RAP1GAP: variants seen among roughly 807,000 people sequenced by gnomAD.
RAP1GAP encodes the protein RAP1 GTPase activating protein, also known as rap1 GTPase-activating protein 1.
In RAP1GAP, 35 loss-of-function variants were observed where a neutral mutation model predicts 87.2. The ratio of observed to expected loss-of-function variants is 0.40; its 90% CI spans 0.31 to 0.53. The LOEUF (loss-of-function observed/expected upper bound fraction) is 0.53. Among genes scored for constraint, RAP1GAP ranks in the 20% least tolerant of loss-of-function variants. RAP1GAP has a pLI of 0.48. For synonymous variants in RAP1GAP, 375 were observed against 363.9 expected (o/e 1.03, Z -0.35); for missense variants, 734 against 898.9 (o/e 0.82, Z 2.35).
intron 2 of RAP1GAP, among the ~76,000 whole-genome samples, chr1:21,628,011 G>A (rs190060537): frequency 1.5e-4 from 23 of 152,274 alleles, no homozygotes; most frequent in African/African-American, 3.1e-4. Flanking sequence ...AACATTCATC[G>A]CAGAGCCTGG....
At position 21,634,197 on chromosome 1, in the gene RAP1GAP, C is replaced by T. The variant is rs1326958856; in HGVS notation, c.-112-7800G>A. Among the ~76,000 whole-genome samples, 1 of 152,080 alleles carries T rather than the reference C, an allele frequency of 6.6e-6. No homozygotes were observed. Among genetic ancestry groups the T allele is most frequent in the Non-Finnish European group, 1.5e-5 (1 of 67,986 alleles). ...CAGCCAGTTGAGCAGGTTTCCAAAG[C>T]TAGGTCTGGAGAGGCTGGCCCCCTC... On this transcript the variant is annotated intron_variant, in intron 2 of 24. Transcript: ENST00000374765. The surrounding 1 kb of genome is among the most constrained non-coding windows in gnomAD (Gnocchi z 4.1).
Position 21,608,330 on chromosome 1 carries a change from G to A in RAP1GAP, c.1179C>T (p.Leu393=), listed in dbSNP as rs893974247. 2 of 1,613,334 alleles carry A rather than the reference G, an allele frequency of 1.2e-6. No homozygotes were observed. Among genetic ancestry groups the A allele is most frequent in the African/African-American group, 2.7e-5 (2 of 74,896 alleles). The change falls in exon 17 of 25, where the codon CTC becomes CTT. Residue 393 remains leucine, a synonymous_variant. Transcript: ENST00000374765. ...AKLEERTRAA[L]LETLYEELHI... is the part of the protein sequence containing the mutation. ...GTAGTTCCTCATAGAGCGTCTCCAG[G>A]AGGGCGGCCCGCGTCCGCTCCTGTG...
intron 10 of RAP1GAP, among the ~76,000 whole-genome samples, chr1:21,612,672 T>A (rs1558678203): frequency 3.3e-5 from 5 of 152,192 alleles, no homozygotes. Flanking sequence ...CCCAAGGGTT[T>A]ACCTGTCTGT....
At chr1:21,636,791 G>A (rs977146731) in intron 2 of RAP1GAP, among the ~76,000 whole-genome samples, 1 of 150,804 alleles carries the variant, frequency 6.6e-6, no homozygotes, top group Non-Finnish European at 1.5e-5. Flanking sequence ...TGGGCAACAA[G>A]AGCAAAATTC....
At chr1:21,612,292 T>G (rs2078892518) in intron 10 of RAP1GAP, among the ~76,000 whole-genome samples, 183 bp from the exon 11 acceptor site, 1 of 152,140 alleles carries the variant, frequency 6.6e-6, no homozygotes, top group African/African-American at 2.4e-5. Flanking sequence ...AGACCTTAAG[T>G]GACTCACCTA....
chr1:21,666,852 G>A (rs1043539521), intron 1 of RAP1GAP, among the ~76,000 whole-genome samples: 8 of 152,198 alleles, frequency 5.3e-5, no homozygotes, highest in African/African-American at 1.9e-4. Context: ...GATAATGGAG[G>A]CAGACGACAG....
In RAP1GAP at chr1:21,609,386, C is replaced by A. The variant is rs376942437; in HGVS notation, c.1071+189G>T. ...ACAATCGTGTAGTTTATCCTGTGACCTTGTGAAAAAAAAAAAAAAGGTGTT... is the reference window on the plus strand; with the variant it reads ...ACAATCGTGTAGTTTATCCTGTGACATTGTGAAAAAAAAAAAAAAGGTGTT... On this transcript the variant is annotated intron_variant, in intron 15 of 24. Transcript: ENST00000374765. The surrounding 1 kb of genome is among the most constrained non-coding windows in gnomAD (Gnocchi z 4.4). 5.6e-4 allele frequency among the ~76,000 whole-genome samples: 73 copies of A among 131,130 alleles called. No individual in the cohort carries two copies. Among genetic ancestry groups the A allele is most frequent in the African/African-American group, 2.0e-3 (69 of 34,314 alleles). The allele number at this position is 131,130 out of a possible 152,430, so 86.0% of individuals were successfully genotyped here.
intron 2 of RAP1GAP, among the ~76,000 whole-genome samples, chr1:21,640,642 G>C (rs2095430393): frequency 1.3e-5 from 2 of 152,226 alleles, no homozygotes; most frequent in African/African-American, 4.8e-5. Flanking sequence ...AGGCTGGCTG[G>C]GGTGAGGGGA....
chr1:21,603,931 CG>C lies in RAP1GAP; in HGVS notation c.1429-1019del. On this transcript the variant is annotated intron_variant, in intron 18 of 24. Transcript: ENST00000374765. The surrounding 1 kb of genome is among the most constrained non-coding windows in gnomAD (Gnocchi z 6.0). ...GCAATGACTGGCAAGCAGCAGAGGG[CG>C]GGGGCAGAGAGAGAGAGACAGAGAG... is the stretch of plus-strand genomic sequence containing the variant. 6.6e-7 allele frequency: 1 copy of C among 1,505,958 alleles called. No homozygotes were observed. The highest frequency in any genetic ancestry group is 9.0e-7 in the Non-Finnish European group (1 of 1,116,314). 93.3% of individuals were successfully genotyped at this position (1,505,958 alleles called of 1,614,324 possible). A position where few individuals can be genotyped will look rare whatever the true frequency, so the allele number is the denominator to read the frequency against.
intron 1 of RAP1GAP, among the ~76,000 whole-genome samples, chr1:21,662,521 T>C (rs1371370603): frequency 6.6e-6 from 1 of 151,892 alleles, no homozygotes; most frequent in Admixed American, 6.6e-5. Flanking sequence ...TTCATCCTTT[T>C]CCCCCAAGCC....
intron 17 of RAP1GAP, among the ~76,000 whole-genome samples, chr1:21,607,174 G>A (rs995377791): frequency 6.6e-6 from 1 of 152,174 alleles, no homozygotes; most frequent in Non-Finnish European, 1.5e-5. Flanking sequence ...GGAGACGGTG[G>A]CAAAAAGGCT....
At chr1:21,605,010 T>C (rs1570517484) in intron 18 of RAP1GAP, among the ~76,000 whole-genome samples, 1 of 39,036 alleles carries the variant, frequency 2.6e-5, no homozygotes. Flanking sequence ...GGTGGGTGGG[T>C]GGATAGCTAG....
At chr1:21,617,006 G>A (rs1285991047) in intron 7 of RAP1GAP, among the ~76,000 whole-genome samples, 2 of 152,228 alleles carry the variant, frequency 1.3e-5, no homozygotes, top group Non-Finnish European at 2.9e-5. Context: ...GAAGTTAAGC[G>A]ATTTACCCGA....
At chr1:21,621,407 G>A (rs975501827) in intron 3 of RAP1GAP, among the ~76,000 whole-genome samples, 1 of 152,112 alleles carries the variant, frequency 6.6e-6, no homozygotes, top group African/African-American at 2.4e-5. Context: ...ACCTCACACA[G>A]CCCTCACCCG....
chr1:21,613,792 G>C lies in RAP1GAP; in HGVS notation c.396-86C>G, dbSNP rs74060024. ...ACCCCCCACAAAGTAAGGCCAGAAG[G>C]GGGTGGACCACAGCGAGGACCAGAG... On this transcript the variant is annotated intron_variant, in intron 8 of 24. Transcript: ENST00000374765. The surrounding 1 kb of genome is among the most constrained non-coding windows in gnomAD (Gnocchi z 4.7). 0.032 allele frequency: 43,756 copies of C among 1,365,220 alleles called. 932 individuals are homozygous for C. The highest frequency in any genetic ancestry group is 0.038 in the Non-Finnish European group (36,193 of 959,364). 84.6% of individuals were successfully genotyped at this position (1,365,220 alleles called of 1,614,324 possible). A position where few individuals can be genotyped will look rare whatever the true frequency, so the allele number is the denominator to read the frequency against.
Position 21,625,134 on chromosome 1 carries a change from G to C in RAP1GAP, c.-19+1170C>G, listed in dbSNP as rs184919992. Among the ~76,000 whole-genome samples, 325 of 152,282 alleles carry C rather than the reference G, an allele frequency of 2.1e-3. 1 individual carries two copies. The highest frequency in any genetic ancestry group is 7.5e-3 in the African/African-American group (312 of 41,556). On this transcript the variant is annotated intron_variant, in intron 3 of 24. Coordinates refer to ENST00000374765, the MANE Select transcript of RAP1GAP (RefSeq NM_002885.4). ...CTGCTGCTGCTCCCAGCAGCCCCAC[G>C]TGGCACCCCCATGAAGGTGGTGGCC...
chr1:21,623,239 A>G (rs1432150629), intron 3 of RAP1GAP, among the ~76,000 whole-genome samples: 2 of 152,218 alleles, frequency 1.3e-5, no homozygotes, highest in Non-Finnish European at 2.9e-5. Flanking sequence ...GGACATGTGG[A>G]TTCTAGCTAC....
In RAP1GAP at chr1:21,668,908, C is replaced by G. The variant is rs1427105495; in HGVS notation, c.-149+346G>C. Among the ~76,000 whole-genome samples the G allele has an allele frequency of 6.6e-6, 1 of 150,494 alleles. No individual in the cohort carries two copies. The highest frequency in any genetic ancestry group is 1.5e-5 in the Non-Finnish European group (1 of 67,408). ...CACTTCCCACAGTCCCTCCTCTAAA[C>G]CCCAGGCGCCCCCACCTCGAGGTGG... On this transcript the variant is annotated intron_variant, in intron 1 of 24. Coordinates refer to ENST00000374765, the MANE Select transcript of RAP1GAP (RefSeq NM_002885.4). This position sits in a 1 kb window ranked among gnomAD's most constrained non-coding sequence, Gnocchi z 6.2.
chr1:21,654,945 A>G (rs2096798152), intron 1 of RAP1GAP, among the ~76,000 whole-genome samples: 1 of 152,194 alleles, frequency 6.6e-6, no homozygotes, highest in African/African-American at 2.4e-5. Context: ...GTTCAAGACC[A>G]GCCTGGCCAA....
Sources: allele counts gnomAD v4.1 joint callset (sites outside exome capture counted in the v4.1 genomes callset), GRCh38; gene constraint gnomAD v4.1.1; non-coding constraint Gnocchi (gnomAD v3.1); transcripts MANE v1.5; gene names NCBI Gene and HGNC (gene_info 2026-07-23, HGNC 2026-07-21).